Variants in BACH2 observed in about 807,000 individuals in gnomAD.
BACH2 encodes BACH transcriptional regulator 2.
Under a neutral mutation model 61.8 loss-of-function variants are expected in BACH2, and 5 were observed. The observed-to-expected ratio is 0.08, with a 90% confidence interval of 0.04 to 0.17. The LOEUF (loss-of-function observed/expected upper bound fraction) is 0.17, where lower values mean the gene tolerates loss of function less well. BACH2 is among the 10% of genes least tolerant of loss of function. The pLI, the probability that BACH2 is intolerant of heterozygous loss-of-function variation, is 1.00. For synonymous variants in BACH2, 446 were observed against 440.1 expected (o/e 1.01, Z -0.17); for missense variants, 824 against 1,091.1 (o/e 0.76, Z 3.45).
At chr6:90,295,920 T>C in intron 1 of BACH2, among the ~76,000 whole-genome samples, 1 of 152,206 alleles carries the variant, frequency 6.6e-6, no homozygotes, top group East Asian at 2.0e-4. Flanking sequence ...CGGCGGCGGC[T>C]GACAGCTGAG....
chr6:90,120,574 A>T (rs991595872), intron 4 of BACH2, among the ~76,000 whole-genome samples: 1 of 152,218 alleles, frequency 6.6e-6, no homozygotes, highest in Non-Finnish European at 1.5e-5. Context: ...TTAATTTGCC[A>T]AAGTGGGTCC....
chr6:90,060,585 T>G (rs1179651332), intron 5 of BACH2, among the ~76,000 whole-genome samples: 5 of 152,190 alleles, frequency 3.3e-5, no homozygotes, highest in Non-Finnish European at 5.9e-5. Flanking sequence ...GTAGTCTAGT[T>G]TCTTCTTATC....
intron 3 of BACH2, among the ~76,000 whole-genome samples, chr6:90,233,336 C>T (rs569799273): frequency 7.3e-4 from 111 of 152,310 alleles, no homozygotes; most frequent in Admixed American, 2.0e-3. Context: ...CAGATGTACA[C>T]CAAAGCCTTC....
intron 5 of BACH2, among the ~76,000 whole-genome samples, chr6:90,029,669 G>C (rs1432590100): frequency 1.3e-5 from 2 of 152,164 alleles, no homozygotes; most frequent in Non-Finnish European, 2.9e-5. Context: ...TAATAAGAAA[G>C]TGACTAAAAA....
intron 5 of BACH2, among the ~76,000 whole-genome samples, chr6:90,042,291 C>T (rs931219634): frequency 5.3e-5 from 8 of 152,076 alleles, no homozygotes; most frequent in African/African-American, 1.9e-4. Context: ...CTTTTGGGCT[C>T]AAGCAGTTCT....
intron 3 of BACH2, among the ~76,000 whole-genome samples, chr6:90,211,631 T>TGTGTGCGC (rs1491202011): frequency 1.8e-4 from 26 of 140,976 alleles, no homozygotes; most frequent in African/African-American, 6.9e-4. Flanking sequence ...TGTGTGTGTG[T>TGTGTGCGC]GCTCTCCTGA....
intron 4 of BACH2, among the ~76,000 whole-genome samples, chr6:90,198,430 C>A (rs1455803481): frequency 6.6e-6 from 1 of 152,254 alleles, no homozygotes; most frequent in Non-Finnish European, 1.5e-5. Flanking sequence ...TCATGATTCA[C>A]AGCTAGGCCT....
At chr6:90,235,638 T>C (rs781663393) in intron 3 of BACH2, among the ~76,000 whole-genome samples, 11 of 152,202 alleles carry the variant, frequency 7.2e-5, no homozygotes, top group Non-Finnish European at 1.5e-4. Flanking sequence ...GGCGATATAG[T>C]GAGACCCTGT....
intron 4 of BACH2, among the ~76,000 whole-genome samples, chr6:90,148,393 T>C (rs181147117): frequency 3.0e-3 from 457 of 152,336 alleles, no homozygotes; most frequent in Non-Finnish European, 4.6e-3. Context: ...AAAATATGCA[T>C]GCCTTTCGAT....
chr6:90,293,664 T>C (rs1562546985), intron 1 of BACH2, among the ~76,000 whole-genome samples: 1 of 152,334 alleles, frequency 6.6e-6, no homozygotes, highest in East Asian at 1.9e-4. Context: ...GAAGAGCACA[T>C]GGCTAGAGTT....
rs546825012 is a variant in BACH2, at chr6:89,999,602, C to T, written c.243+9000G>A. 2.9e-4 allele frequency among the ~76,000 whole-genome samples: 44 copies of T among 152,184 alleles called. 1 individual carries two copies. The highest frequency in any genetic ancestry group is 6.7e-4 in the African/African-American group (28 of 41,530). On this transcript the variant is annotated intron_variant, in intron 6 of 8. Transcript: ENST00000257749. Reference sequence around the variant, plus strand: ...AAGGCCCGGGTTCTATGATTAACTACGACAAAATAATAGTTATGATGACTG... The same window carrying T: ...AAGGCCCGGGTTCTATGATTAACTATGACAAAATAATAGTTATGATGACTG...
At position 90,008,336 on chromosome 6, in the gene BACH2, C is replaced by A. The variant is rs1440681930; in HGVS notation, c.243+266G>T. 2 of 519,222 alleles carry A rather than the reference C, an allele frequency of 3.9e-6. No individual in the cohort carries two copies. 32.2% of individuals were successfully genotyped at this position (519,222 alleles called of 1,614,324 possible). A position where few individuals can be genotyped will look rare whatever the true frequency, so the allele number is the denominator to read the frequency against. On this transcript the variant is annotated intron_variant, in intron 6 of 8. Coordinates refer to ENST00000257749, the MANE Select transcript of BACH2 (RefSeq NM_021813.4). This position sits in a 1 kb window ranked among gnomAD's most constrained non-coding sequence, Gnocchi z 4.1. ...CAAACTTAGGCTGAACCACTCAAAA[C>A]CTGAAGGGTAAGTGAACTAGAAACT...
chr6:90,236,272 T>C (rs1391044782), intron 3 of BACH2, among the ~76,000 whole-genome samples: 2 of 152,202 alleles, frequency 1.3e-5, no homozygotes, highest in Non-Finnish European at 2.9e-5. Context: ...CAAAATGCTT[T>C]TTAGAGTTTA....
intron 4 of BACH2, among the ~76,000 whole-genome samples, chr6:90,133,428 A>G (rs1323370048): frequency 6.6e-6 from 1 of 152,264 alleles, no homozygotes; most frequent in Non-Finnish European, 1.5e-5. Context: ...AAATCAGGTA[A>G]TCTTAAACTC....
At chr6:90,296,294 TTCCTAGAAAATGCCA>T (rs1714233165) in intron 1 of BACH2, among the ~76,000 whole-genome samples, 171 bp downstream of exon 1, 1 of 151,040 alleles carries the variant, frequency 6.6e-6, no homozygotes, top group African/African-American at 2.4e-5. Flanking sequence ...CCCCTTCCCG[TTCCTAGAAAATGCCA>T]TAAAAGCGGG....
At chr6:90,158,437 C>T (rs1785068151) in intron 4 of BACH2, among the ~76,000 whole-genome samples, 2 of 150,436 alleles carry the variant, frequency 1.3e-5, no homozygotes, top group Admixed American at 6.6e-5. Context: ...GTGTGGGAGG[C>T]AAGGCACAGG....
At chr6:89,969,012 A>AAAAATAAT (rs1775207359) in intron 6 of BACH2, among the ~76,000 whole-genome samples, 1 of 152,032 alleles carries the variant, frequency 6.6e-6, no homozygotes, top group Admixed American at 6.6e-5. Flanking sequence ...CTCTGTCTCG[A>AAAAATAAT]AAAATAATAA....
At chr6:90,197,840 C>T (rs1369866232) in intron 4 of BACH2, among the ~76,000 whole-genome samples, 2 of 152,214 alleles carry the variant, frequency 1.3e-5, no homozygotes, top group South Asian at 4.1e-4. Flanking sequence ...ACTAGGCACT[C>T]CTCTTTAAAT....
intron 4 of BACH2, among the ~76,000 whole-genome samples, chr6:90,184,909 GA>G (rs1276028317): frequency 6.6e-6 from 1 of 152,208 alleles, no homozygotes; most frequent in Non-Finnish European, 1.5e-5. Flanking sequence ...TTGTGTCCAT[GA>G]ATAGAAACTC....
Sources: allele counts gnomAD v4.1 joint callset (sites outside exome capture counted in the v4.1 genomes callset), GRCh38; gene constraint gnomAD v4.1.1; non-coding constraint Gnocchi (gnomAD v3.1); transcripts MANE v1.5; gene names NCBI Gene and HGNC (gene_info 2026-07-23, HGNC 2026-07-21).